Variants in DDC observed in about 807,000 individuals in gnomAD.
DDC encodes the protein aromatic-L-amino-acid decarboxylase.
A neutral mutation model predicts 60.0 loss-of-function variants in DDC; 43 were observed. The ratio of observed to expected loss-of-function variants is 0.72; its 90% CI spans 0.56 to 0.92. DDC has a LOEUF of 0.92. Among genes scored for constraint, DDC ranks in the 40% least tolerant of loss-of-function variants. The probability of loss-of-function intolerance (pLI) is 0.00; values close to 1 mark genes in which losing one functional copy is unlikely to be tolerated. For missense variants in DDC, 573 were observed against 620.2 expected, an observed-to-expected ratio of 0.92 and a Z score of 0.81; for synonymous variants, 232 against 234.6, an observed-to-expected ratio of 0.99 and a Z score of 0.10.
intron 1 of DDC, among the ~76,000 whole-genome samples, chr7:50,549,682 T>A: frequency 6.6e-6 from 1 of 150,612 alleles, no homozygotes; most frequent in African/African-American, 2.4e-5. Flanking sequence ...AGAACATTTG[T>A]GATTCATGGA....
rs369020209 is a variant in DDC, at chr7:50,543,930, C to T, written c.156G>A (p.Thr52=). The change falls in exon 2 of 15, where the codon ACG becomes ACA. Residue 52 remains threonine (T), a synonymous_variant. Coordinates refer to ENST00000444124, the MANE Select transcript of DDC (RefSeq NM_001082971.2). The part of the protein sequence containing the change: ...IPAAAPQEPD[T]FEDIINDVEK... The stretch of plus-strand genomic sequence containing the variant: ...CAACGTCGTTGATGATGTCCTCAAA[C>T]GTGTCTGGCTCCTGAGGGGCAGCGG... 3.2e-5 allele frequency: 51 copies of T among 1,614,068 alleles called. No homozygotes were observed. The Middle Eastern group carries it at 6.6e-4, about 21-fold the overall frequency.
intron 4 of DDC, among the ~76,000 whole-genome samples, chr7:50,532,078 C>A (rs1308972827): frequency 6.6e-6 from 1 of 152,362 alleles, no homozygotes; most frequent in South Asian, 2.1e-4. Flanking sequence ...TTGACTCAGA[C>A]ACGCATCACT....
chr7:50,532,366 A>G (rs1231224776), intron 4 of DDC, among the ~76,000 whole-genome samples: 3 of 152,226 alleles, frequency 2.0e-5, no homozygotes, highest in South Asian at 4.1e-4. Context: ...AAAGACTTGT[A>G]TGGTCTCTCA....
intron 6 of DDC, among the ~76,000 whole-genome samples, chr7:50,515,068 T>C (rs114235907): frequency 0.013 from 1,905 of 152,154 alleles, 35 homozygotes; most frequent in African/African-American, 0.044. Context: ...CAAACAACCC[T>C]TAGGAAATTC....
chr7:50,486,314 AG>A (rs2042879456), intron 9 of DDC, among the ~76,000 whole-genome samples: 1 of 152,242 alleles, frequency 6.6e-6, no homozygotes, highest in South Asian at 2.1e-4. Context: ...GATACAGCAC[AG>A]GCCACTGTGT....
intron 1 of DDC, among the ~76,000 whole-genome samples, chr7:50,563,746 T>G (rs963795317): frequency 6.6e-6 from 1 of 152,016 alleles, no homozygotes; most frequent in Non-Finnish European, 1.5e-5. Context: ...GGACTACAGG[T>G]GCATGCCACC....
chr7:50,479,143 G>T (rs2042712002), intron 10 of DDC, among the ~76,000 whole-genome samples: 21 of 152,188 alleles, frequency 1.4e-4, no homozygotes, highest in Admixed American at 1.4e-3. Context: ...GCCAAGAATT[G>T]TGCATTCCGT....
chr7:50,525,644 A>T (rs6952381), intron 6 of DDC, among the ~76,000 whole-genome samples: 4,001 of 152,108 alleles, frequency 0.026, 85 homozygotes, highest in South Asian at 0.07. Context: ...CACACCTGTA[A>T]TCCCAGCTAC....
chr7:50,490,075 G>GACC (rs1363530563), intron 9 of DDC, among the ~76,000 whole-genome samples: 113 of 152,282 alleles, frequency 7.4e-4, no homozygotes, highest in African/African-American at 2.5e-3. Context: ...ATTTTACAAT[G>GACC]GCCTCTGTGT....
intron 6 of DDC, among the ~76,000 whole-genome samples, chr7:50,509,722 C>T (rs2043496658): frequency 6.6e-6 from 1 of 152,230 alleles, no homozygotes; most frequent in African/African-American, 2.4e-5. Flanking sequence ...CCAGCAATTT[C>T]ACCATTACAT....
chr7:50,482,321 A>C (rs1049373890), intron 9 of DDC, among the ~76,000 whole-genome samples: 2 of 152,220 alleles, frequency 1.3e-5, no homozygotes, highest in African/African-American at 4.8e-5. Context: ...CTTTGTATTT[A>C]TTAAGCATAT....
At position 50,528,181 on chromosome 7, in the gene DDC, C is replaced by T. The variant is rs1279635735; in HGVS notation, c.670G>A (p.Glu224Lys). ...GCCGCTTTGTCTCTCTCCAGGGCTT[C>T]CTGCAGGGCAGACGCACGCATGGCG... ...NFAMRASALQEALERDKAAGL... is the reference protein window; with the variant it reads ...NFAMRASALQKALERDKAAGL... The change falls in exon 6 of 15, where the codon GAA becomes AAA. Residue 224 changes from glutamate (E) to lysine (K), a missense_variant. Glu to Lys is a moderately conservative substitution (Grantham distance 56). Transcript: ENST00000444124. The T allele has an allele frequency of 6.2e-7, 1 of 1,613,822 alleles. No homozygotes were observed. Among genetic ancestry groups the T allele is most frequent in the East Asian group, 2.2e-5 (1 of 44,874 alleles).
At chr7:50,514,725 A>G (rs986153494) in intron 6 of DDC, among the ~76,000 whole-genome samples, 2 of 152,214 alleles carry the variant, frequency 1.3e-5, no homozygotes, top group African/African-American at 4.8e-5. Flanking sequence ...CAAGTAGAAG[A>G]AAGAAATTCA....
chr7:50,506,150 G>T (rs12718574), intron 6 of DDC, among the ~76,000 whole-genome samples: 1 of 151,906 alleles, frequency 6.6e-6, no homozygotes. Flanking sequence ...GTCTGCTCCA[G>T]GTCACATTTG....
chr7:50,493,469 C>G (rs2043054846), intron 9 of DDC, among the ~76,000 whole-genome samples: 2 of 152,184 alleles, frequency 1.3e-5, no homozygotes, highest in Admixed American at 1.3e-4. Flanking sequence ...TTCCGAACTC[C>G]AGCCACCTTA....
At chr7:50,473,136 G>T (rs2042569643) in intron 11 of DDC, among the ~76,000 whole-genome samples, 1 of 152,246 alleles carries the variant, frequency 6.6e-6, no homozygotes, top group Admixed American at 6.5e-5. Context: ...TAGCAGCAAA[G>T]AGAAGATGCC....
At chr7:50,459,268 G>T (rs2042196127) in intron 14 of DDC, among the ~76,000 whole-genome samples, 1 of 152,208 alleles carries the variant, frequency 6.6e-6, no homozygotes, top group Admixed American at 6.5e-5. Context: ...GCTCAATGGT[G>T]CCCAGGCTGG....
At chr7:50,552,638 G>A (rs2045041601) in intron 1 of DDC, among the ~76,000 whole-genome samples, 2 of 152,160 alleles carry the variant, frequency 1.3e-5, no homozygotes, top group African/African-American at 4.8e-5. Context: ...TGCTAATGGT[G>A]GGCTTCTCCA....
intron 14 of DDC, among the ~76,000 whole-genome samples, chr7:50,459,951 G>A (rs1365375566): frequency 2.9e-5 from 4 of 139,600 alleles, no homozygotes; most frequent in Non-Finnish European, 6.2e-5. Context: ...CCCCCTGCCC[G>A]GCCAGCCGCC....
Sources: gnomAD v4.1 joint callset for allele counts (sites outside exome capture counted in the v4.1 genomes callset) on GRCh38, gnomAD v4.1.1 for gene constraint, MANE v1.5 for transcripts, NCBI Gene and HGNC (gene_info 2026-07-23, HGNC 2026-07-21) for gene names.